The following SLFN12L variants were observed in gnomAD, a reference collection of about 807,000 sequenced individuals.
The protein encoded by SLFN12L is schlafen family member 12 like.
Under a neutral mutation model 34.8 loss-of-function variants are expected in SLFN12L, and 34 were observed. That is an observed-to-expected ratio of 0.98 (90% CI 0.74 to 1.30). The LOEUF (loss-of-function observed/expected upper bound fraction) is 1.30. Among genes scored for constraint, SLFN12L ranks in the 50% most tolerant of loss-of-function variants. SLFN12L has a pLI of 0.00. For missense variants in SLFN12L, 703 were observed against 696.2 expected, an observed-to-expected ratio of 1.01 and a Z score of -0.11; for synonymous variants, 259 against 247.5, an observed-to-expected ratio of 1.05 and a Z score of -0.44.
intron 1 of SLFN12L, among the ~76,000 whole-genome samples, chr17:35,530,056 C>T (rs1207774695): frequency 6.6e-6 from 1 of 150,646 alleles, no homozygotes; most frequent in Non-Finnish European, 1.5e-5. Context: ...ATTATAACCT[C>T]ATAAACGTCA....
chr17:35,483,523 TA>T lies in SLFN12L; in HGVS notation c.87-3329del, dbSNP rs199949497. Among the ~76,000 whole-genome samples the T allele has an allele frequency of 7.9e-5, 12 of 152,338 alleles. No individual in the cohort carries two copies. The East Asian group carries it at 2.3e-3, about 29-fold the overall frequency. ...CCTCACCAGAATCCAATGATGCTGG[TA>T]TCTTGATCTTGGACTTCCCAGGCTC... On this transcript the variant is annotated intron_variant, in intron 2 of 4. Coordinates refer to ENST00000628453, the MANE Select transcript of SLFN12L (RefSeq NM_001363830.2).
intron 2 of SLFN12L, 67 bp downstream of exon 2, chr17:35,522,212 G>A: frequency 1.3e-6 from 2 of 1,588,218 alleles, no homozygotes; most frequent in Non-Finnish European, 1.7e-6. Flanking sequence ...AAGGGACAAG[G>A]TGACTTAGCA....
intron 2 of SLFN12L, among the ~76,000 whole-genome samples, chr17:35,495,096 T>C (rs775752720): frequency 2.6e-5 from 4 of 151,962 alleles, no homozygotes; most frequent in Admixed American, 6.6e-5. Context: ...GAGGGGGTTT[T>C]GCTATGTTGC....
chr17:35,496,702 G>A (rs1915095557), intron 2 of SLFN12L, among the ~76,000 whole-genome samples: 1 of 152,150 alleles, frequency 6.6e-6, no homozygotes, highest in Non-Finnish European at 1.5e-5. Flanking sequence ...TCCTCCCCAG[G>A]ACTGGGAGAG....
At chr17:35,480,797 TC>T (rs1333152203) in intron 2 of SLFN12L, among the ~76,000 whole-genome samples, 8 of 152,046 alleles carry the variant, frequency 5.3e-5, no homozygotes, top group Non-Finnish European at 8.8e-5. Flanking sequence ...CTATCAAACA[TC>T]CACGTTTACA....
At chr17:35,521,041 T>C (rs1299766655) in intron 2 of SLFN12L, among the ~76,000 whole-genome samples, 4 of 148,750 alleles carry the variant, frequency 2.7e-5, no homozygotes, top group African/African-American at 9.7e-5. Context: ...ATTGTGTGAT[T>C]TTTAAGTTGA....
chr17:35,534,366 A>G (rs1054825570), intron 1 of SLFN12L, among the ~76,000 whole-genome samples: 1 of 152,242 alleles, frequency 6.6e-6, no homozygotes, highest in Non-Finnish European at 1.5e-5. Context: ...GTCTCAAAAA[A>G]AACAAAAAGT....
At position 35,471,151 on chromosome 17, in the gene SLFN12L, T is replaced by C. The variant is rs1913800551; in HGVS notation, c.*3772A>G. Among the ~76,000 whole-genome samples, 1 of 144,112 alleles carries C rather than the reference T, an allele frequency of 6.9e-6. No homozygotes were observed. Among genetic ancestry groups the C allele is most frequent in the East Asian group, 2.0e-4 (1 of 4,992 alleles). The allele number at this position is 144,112 out of a possible 152,430, so 94.5% of individuals were successfully genotyped here. On this transcript the variant is annotated 3_prime_UTR_variant, in exon 5 of 5. Transcript: ENST00000628453. ...GTGCATGTGTCTTTTTTTTTTTTTTTCTGAGACAGAGTTTTGCTCTTGTCA... is the reference window on the plus strand; with the variant it reads ...GTGCATGTGTCTTTTTTTTTTTTTTCCTGAGACAGAGTTTTGCTCTTGTCA...
intron 2 of SLFN12L, among the ~76,000 whole-genome samples, chr17:35,485,032 G>A (rs1374449825): frequency 6.6e-6 from 1 of 152,118 alleles, no homozygotes; most frequent in Non-Finnish European, 1.5e-5. Context: ...ATTTTTTACA[G>A]TACACTCTTA....
At position 35,468,383 on chromosome 17, in the gene SLFN12L, C is replaced by T. The variant is rs1485815343; in HGVS notation, c.*6540G>A. Among the ~76,000 whole-genome samples the T allele has an allele frequency of 2.0e-5, 3 of 152,166 alleles. No individual in the cohort carries two copies. The highest frequency in any genetic ancestry group is 4.4e-5 in the Non-Finnish European group (3 of 68,018). ...AGACCCATATCCTAGATGACATTTT[C>T]CTGGATAGGCACTCACTGCTGGAGA... On this transcript the variant is annotated 3_prime_UTR_variant, in exon 5 of 5. Coordinates refer to ENST00000628453, the MANE Select transcript of SLFN12L (RefSeq NM_001363830.2).
At position 35,479,759 on chromosome 17, in the gene SLFN12L, A is replaced by T. The variant is rs1172255697; in HGVS notation, c.523T>A (p.Ser175Thr). The change falls in exon 3 of 5, where the codon TCT becomes ACT. Residue 175 changes from serine (S) to threonine (T), a missense_variant. By Grantham distance (58) the Ser-to-Thr change is moderately conservative (BLOSUM62 1). Transcript: ENST00000628453. ...SSSLYKRDVT[S>T]AKVMNASAAL... ...GCAGAAGCATTCATGACTTTTGCAG[A>T]CGTTACATCTCTCTTGTACAAACTG... 6.2e-7 allele frequency: 1 copy of T among 1,613,978 alleles called. No homozygotes were observed. Among genetic ancestry groups the T allele is most frequent in the Non-Finnish European group, 8.5e-7 (1 of 1,179,984 alleles).
chr17:35,491,740 A>G lies in SLFN12L; in HGVS notation c.87-11545T>C, dbSNP rs564324787. 2.1e-4 allele frequency among the ~76,000 whole-genome samples: 32 copies of G among 152,372 alleles called. No individual in the cohort carries two copies. In the South Asian group the frequency reaches 6.6e-3, roughly 32 times the overall value. On this transcript the variant is annotated intron_variant, in intron 2 of 4. Coordinates refer to ENST00000628453, the MANE Select transcript of SLFN12L (RefSeq NM_001363830.2). ...GCAAATGCAAACTTGAAGTCATGCA[A>G]AAGTATGAAATGAATTTCTTCAGCT...
At chr17:35,526,808 C>T (rs992050374) in intron 1 of SLFN12L, among the ~76,000 whole-genome samples, 1 of 151,680 alleles carries the variant, frequency 6.6e-6, no homozygotes, top group African/African-American at 2.4e-5. Flanking sequence ...ACTAGAGAAG[C>T]GACAGCAAAC....
At chr17:35,490,199 G>T in intron 2 of SLFN12L, 2 of 1,596,728 alleles carry the variant, frequency 1.3e-6, no homozygotes, top group Non-Finnish European at 1.7e-6. Flanking sequence ...GGGACGAGGC[G>T]GCAGTGGCCC....
intron 2 of SLFN12L, among the ~76,000 whole-genome samples, chr17:35,507,302 G>A (rs1915494668): frequency 6.6e-6 from 1 of 152,106 alleles, no homozygotes. Context: ...CCTGCTACTT[G>A]GGCACAAGAT....
At chr17:35,483,710 A>G (rs1030816344) in intron 2 of SLFN12L, among the ~76,000 whole-genome samples, 1 of 152,192 alleles carries the variant, frequency 6.6e-6, no homozygotes, top group Admixed American at 6.5e-5. Context: ...TTTGCTATAG[A>G]CGAAAACCTA....
At chr17:35,531,613 C>T (rs181222240) in intron 1 of SLFN12L, among the ~76,000 whole-genome samples, 5 of 151,520 alleles carry the variant, frequency 3.3e-5, no homozygotes, top group African/African-American at 9.7e-5. Flanking sequence ...ATTATATTTA[C>T]TTATTTATTT....
chr17:35,510,195 A>T (rs1043322393), intron 2 of SLFN12L: 1 of 152,232 alleles, frequency 6.6e-6, no homozygotes, highest in African/African-American at 2.4e-5. Context: ...AAATCAGTGG[A>T]TACAATATTT....
At chr17:35,491,385 C>T (rs1404070170) in intron 2 of SLFN12L, 2 of 376,248 alleles carry the variant, frequency 5.3e-6, no homozygotes, top group Admixed American at 4.0e-5. Flanking sequence ...AGAAAGCTGA[C>T]ATTTTCATGA....
Sources: gnomAD v4.1 joint callset for allele counts (sites outside exome capture counted in the v4.1 genomes callset) on GRCh38, gnomAD v4.1.1 for gene constraint, MANE v1.5 for transcripts, NCBI Gene and HGNC (gene_info 2026-07-23, HGNC 2026-07-21) for gene names.